The following MGAT4C variants were observed in gnomAD, a reference collection of about 807,000 sequenced individuals.
The protein encoded by MGAT4C is MGAT4 family member C, also known as alpha-1,3-mannosyl-glycoprotein 4-beta-N-acetylglucosaminyltransferase C.
MGAT4C carries 19 observed loss-of-function variants against 40.1 expected under a neutral mutation model. That is an observed-to-expected ratio of 0.47 (90% CI 0.33 to 0.70). The LOEUF (loss-of-function observed/expected upper bound fraction) is 0.70, where lower values mean the gene tolerates loss of function less well. Among genes scored for constraint, MGAT4C ranks in the 30% least tolerant of loss-of-function variants. The pLI, the probability that MGAT4C is intolerant of heterozygous loss-of-function variation, is 0.02. For missense variants in MGAT4C, 491 were observed against 563.2 expected (o/e 0.87, Z 1.30); for synonymous variants, 181 against 187.1 (o/e 0.97, Z 0.27).
At chr12:86,129,428 G>C (rs1880832539) in intron 1 of MGAT4C, among the ~76,000 whole-genome samples, 1 of 152,068 alleles carries the variant, frequency 6.6e-6, no homozygotes. Flanking sequence ...GAGAAATAAG[G>C]CTCACTAGCC....
intron 2 of MGAT4C, among the ~76,000 whole-genome samples, chr12:86,639,942 G>C (rs1036130358): frequency 6.6e-6 from 1 of 151,512 alleles, no homozygotes. Flanking sequence ...GGCCCAATCA[G>C]ATATAAATTT....
chr12:86,490,943 G>A (rs1250179845), intron 2 of MGAT4C, among the ~76,000 whole-genome samples: 1 of 152,126 alleles, frequency 6.6e-6, no homozygotes, highest in African/African-American at 2.4e-5. Context: ...AAGAGACTTA[G>A]ACTCCCACAC....
chr12:86,278,382 C>G (rs1431876264), intron 4 of MGAT4C, among the ~76,000 whole-genome samples: 2 of 151,848 alleles, frequency 1.3e-5, no homozygotes, highest in Non-Finnish European at 2.9e-5. Context: ...TTTCACCATG[C>G]TGGGCAGGCT....
At chr12:86,058,431 T>C (rs1181473546) in intron 1 of MGAT4C, among the ~76,000 whole-genome samples, 1 of 152,144 alleles carries the variant, frequency 6.6e-6, no homozygotes, top group African/African-American at 2.4e-5. Flanking sequence ...AAAAAATGTT[T>C]CCCTAGTAGT....
rs142561167 is a variant in MGAT4C at position 86,118,537 on chromosome 12, G to A, written c.-56-68814C>T. ...ATGGGGCCATGAAAAGATTAGCCAC[G>A]GGAACAGAGACATATGAGAGAGAGG... On this transcript the variant is annotated intron_variant, in intron 1 of 4. Coordinates refer to ENST00000611864, the MANE Select transcript of MGAT4C (RefSeq NM_001351288.2). Among the ~76,000 whole-genome samples, 9 of 152,180 alleles carry A rather than the reference G, an allele frequency of 5.9e-5. No individual in the cohort carries two copies. The East Asian group carries it at 1.3e-3, about 23-fold the overall frequency.
chr12:86,451,706 G>A (rs1465526641), intron 2 of MGAT4C, among the ~76,000 whole-genome samples: 1 of 152,028 alleles, frequency 6.6e-6, no homozygotes, highest in Admixed American at 6.6e-5. Context: ...TGTTCTTCAA[G>A]ATGGATAGTC....
chr12:86,581,091 T>C (rs1244027244), intron 2 of MGAT4C, among the ~76,000 whole-genome samples: 1 of 151,394 alleles, frequency 6.6e-6, no homozygotes, highest in Non-Finnish European at 1.5e-5. Context: ...CAAGTTTTCT[T>C]AGTATTAATT....
intron 2 of MGAT4C, among the ~76,000 whole-genome samples, chr12:86,021,068 C>T (rs953766380): frequency 2.0e-5 from 3 of 152,224 alleles, no homozygotes; most frequent in African/African-American, 7.2e-5. Context: ...GAATGGCACT[C>T]ATTAAAAAGT....
chr12:86,052,665 A>G (rs1223280907), intron 1 of MGAT4C, among the ~76,000 whole-genome samples: 1 of 151,952 alleles, frequency 6.6e-6, no homozygotes, highest in East Asian at 1.9e-4. Flanking sequence ...CAGAAAGATA[A>G]TCTTTCCCTC....
chr12:86,798,417 G>A (rs1399792601), intron 1 of MGAT4C, among the ~76,000 whole-genome samples: 5 of 151,764 alleles, frequency 3.3e-5, no homozygotes, highest in Non-Finnish European at 7.4e-5. Context: ...ACTACCTCAG[G>A]AATCATTTCA....
At chr12:86,523,453 G>T (rs1313678337) in intron 2 of MGAT4C, among the ~76,000 whole-genome samples, 1 of 152,158 alleles carries the variant, frequency 6.6e-6, no homozygotes, top group Non-Finnish European at 1.5e-5. Context: ...TGATCTGAAA[G>T]ATTGGCTGTT....
chr12:86,018,191 G>A (rs1177723500), intron 2 of MGAT4C, among the ~76,000 whole-genome samples: 1 of 152,086 alleles, frequency 6.6e-6, no homozygotes, highest in African/African-American at 2.4e-5. Context: ...CTAAGTAGAG[G>A]TGGGAAAGAA....
At chr12:86,474,669 G>A (rs1195859274) in intron 2 of MGAT4C, among the ~76,000 whole-genome samples, 1 of 151,906 alleles carries the variant, frequency 6.6e-6, no homozygotes, top group Non-Finnish European at 1.5e-5. Context: ...TCATACTCTG[G>A]CTTTTCAGGT....
intron 2 of MGAT4C, among the ~76,000 whole-genome samples, chr12:86,009,483 CTCT>C (rs1888237148): frequency 6.6e-6 from 1 of 152,122 alleles, no homozygotes; most frequent in East Asian, 1.9e-4. Flanking sequence ...TTAGCTATGT[CTCT>C]TCAACTCAGA....
intron 2 of MGAT4C, among the ~76,000 whole-genome samples, chr12:86,456,749 G>T (rs192057927): frequency 6.6e-6 from 1 of 152,126 alleles, no homozygotes; most frequent in Admixed American, 6.6e-5. Flanking sequence ...ATACTGGTAG[G>T]AAACTTGAGA....
At chr12:86,492,444 A>G (rs546600537) in intron 2 of MGAT4C, among the ~76,000 whole-genome samples, 1 of 152,338 alleles carries the variant, frequency 6.6e-6, no homozygotes, top group East Asian at 1.9e-4. Context: ...GTACCAAAAC[A>G]GAGATACAGA....
At chr12:86,497,461 T>C (rs1050454690) in intron 2 of MGAT4C, among the ~76,000 whole-genome samples, 24 of 151,952 alleles carry the variant, frequency 1.6e-4, no homozygotes, top group African/African-American at 5.6e-4. Context: ...CATTGATAAA[T>C]TGATTTAGTG....
chr12:85,987,925 A>G (rs536335656), intron 3 of MGAT4C, among the ~76,000 whole-genome samples: 116 of 152,352 alleles, frequency 7.6e-4, no homozygotes, highest in African/African-American at 2.6e-3. Flanking sequence ...AATTTTTATT[A>G]TAAAATTGAA....
intron 2 of MGAT4C, among the ~76,000 whole-genome samples, chr12:86,035,931 T>C (rs576398781): frequency 6.7e-6 from 1 of 150,068 alleles, no homozygotes; most frequent in African/African-American, 2.4e-5. Flanking sequence ...CTTCCATTGG[T>C]CTATATATCT....
Sources: gnomAD v4.1 joint callset for allele counts (sites outside exome capture counted in the v4.1 genomes callset) on GRCh38, gnomAD v4.1.1 for gene constraint, MANE v1.5 for transcripts, NCBI Gene and HGNC (gene_info 2026-07-23, HGNC 2026-07-21) for gene names.